The following SCN8A variants were observed in gnomAD, a reference collection of about 807,000 sequenced individuals.
SCN8A encodes sodium channel protein type 8 subunit alpha.
In SCN8A, 30 loss-of-function variants were observed where a neutral mutation model predicts 184.1. The ratio of observed to expected loss-of-function variants is 0.16; its 90% CI spans 0.12 to 0.22. SCN8A has a LOEUF of 0.22. SCN8A is among the 10% of genes least tolerant of loss of function. The probability of loss-of-function intolerance (pLI) is 1.00; values close to 1 mark genes in which losing one functional copy is unlikely to be tolerated. For missense variants in SCN8A, 1,057 were observed against 2,498.9 expected (o/e 0.42, Z 12.30); for synonymous variants, 852 against 907.0 (o/e 0.94, Z 1.09).
chr12:51,769,664 T>G (rs1428740009), intron 17 of SCN8A, among the ~76,000 whole-genome samples: 5 of 152,138 alleles, frequency 3.3e-5, no homozygotes, highest in Admixed American at 6.5e-5. Flanking sequence ...GTCATTGCCG[T>G]CCGTGAGTAG....
chr12:51,644,893 G>T, intron 1 of SCN8A, among the ~76,000 whole-genome samples: 1 of 151,354 alleles, frequency 6.6e-6, no homozygotes, highest in African/African-American at 2.4e-5. Context: ...CAACCGCCCC[G>T]TCTGAGAAGT....
intron 1 of SCN8A, among the ~76,000 whole-genome samples, chr12:51,648,750 G>A (rs1380166635): frequency 6.6e-6 from 1 of 152,178 alleles, no homozygotes; most frequent in African/African-American, 2.4e-5. Flanking sequence ...TGGGAATCAT[G>A]GGAGTACAAT....
chr12:51,687,742 T>C (rs757299171), intron 5 of SCN8A, among the ~76,000 whole-genome samples: 6 of 152,204 alleles, frequency 3.9e-5, no homozygotes, highest in Non-Finnish European at 7.3e-5. Context: ...TTTCGAACTA[T>C]TGCTCAAGAT....
intron 1 of SCN8A, among the ~76,000 whole-genome samples, chr12:51,624,861 A>T (rs1592336405): frequency 6.6e-6 from 1 of 152,184 alleles, no homozygotes; most frequent in Non-Finnish European, 1.5e-5. Flanking sequence ...ACCGTTTATT[A>T]AATAGGGAAT....
chr12:51,623,771 C>A (rs532319481), intron 1 of SCN8A, among the ~76,000 whole-genome samples: 2 of 152,158 alleles, frequency 1.3e-5, no homozygotes, highest in Admixed American at 6.5e-5. Flanking sequence ...CTCCTCCCCC[C>A]ACCCCACAAC....
intron 19 of SCN8A, among the ~76,000 whole-genome samples, chr12:51,771,153 T>C (rs1278183172): frequency 6.6e-6 from 1 of 152,214 alleles, no homozygotes; most frequent in African/African-American, 2.4e-5. Flanking sequence ...TGCTTATTAA[T>C]CAGTGAAACA....
At chr12:51,636,580 G>A (rs971934685) in intron 1 of SCN8A, among the ~76,000 whole-genome samples, 1 of 152,166 alleles carries the variant, frequency 6.6e-6, no homozygotes, top group Admixed American at 6.5e-5. Flanking sequence ...CATGAGCTCT[G>A]GTTTCCTTGG....
intron 2 of SCN8A, among the ~76,000 whole-genome samples, chr12:51,677,275 A>G (rs1171818998): frequency 2.0e-5 from 3 of 151,612 alleles, no homozygotes; most frequent in East Asian, 1.9e-4. Flanking sequence ...TTTTGTAGAG[A>G]TGGAGTTTTG....
intron 8 of SCN8A, among the ~76,000 whole-genome samples, 184 bp downstream of exon 8, chr12:51,701,391 C>T (rs1941685003): frequency 6.6e-6 from 1 of 152,186 alleles, no homozygotes; most frequent in Non-Finnish European, 1.5e-5. Flanking sequence ...GTTGACATTT[C>T]ACTAGTAAGT....
At chr12:51,688,702 T>C in intron 5 of SCN8A, 1 of 1,290,484 alleles carries the variant, frequency 7.7e-7, no homozygotes, top group Non-Finnish European at 1.1e-6. Flanking sequence ...TTCCCCCCAT[T>C]CTCAAACCCT....
At chr12:51,774,959 T>C (rs1478878228) in intron 20 of SCN8A, among the ~76,000 whole-genome samples, 2 of 152,202 alleles carry the variant, frequency 1.3e-5, no homozygotes, top group Middle Eastern at 3.2e-3. Context: ...CCTTTTTTCC[T>C]CCAGGTTCCA....
intron 5 of SCN8A, 143 bp downstream of exon 5, chr12:51,687,362 A>T (rs1262132754): frequency 1.1e-6 from 1 of 897,820 alleles, no homozygotes; most frequent in African/African-American, 1.7e-5. Context: ...CTGTGGGCTT[A>T]TGTCTATGAT....
chr12:51,625,223 A>T (rs2138604597), intron 1 of SCN8A, among the ~76,000 whole-genome samples: 1 of 152,324 alleles, frequency 6.6e-6, no homozygotes, highest in Admixed American at 6.5e-5. Context: ...ATAACTAGTA[A>T]TCTGTTTTTC....
chr12:51,777,333 C>T (rs1444707169), intron 20 of SCN8A, among the ~76,000 whole-genome samples: 2 of 151,964 alleles, frequency 1.3e-5, no homozygotes, highest in African/African-American at 4.8e-5. Flanking sequence ...AATCATGGCT[C>T]ACTGCAGCCT....
At chr12:51,741,280 C>A (rs559695637) in intron 12 of SCN8A, among the ~76,000 whole-genome samples, 2 of 152,172 alleles carry the variant, frequency 1.3e-5, no homozygotes, top group Non-Finnish European at 2.9e-5. Context: ...ATAGCTACTA[C>A]TTCTGCTCTT....
rs73295783 is a variant in SCN8A, at chr12:51,632,357, A to G, written c.-54-30407A>G. On this transcript the variant is annotated intron_variant, in intron 1 of 26. Transcript: ENST00000627620. ...TAAGTAGTCTTAGATATGTAGTCTCAGGTTACTGAAATCAGCTTGACTCAG... is the reference window on the plus strand; with the variant it reads ...TAAGTAGTCTTAGATATGTAGTCTCGGGTTACTGAAATCAGCTTGACTCAG... Among the ~76,000 whole-genome samples, 1,051 of 152,318 alleles carry G rather than the reference A, an allele frequency of 6.9e-3. 12 individuals carry two copies. The highest frequency in any genetic ancestry group is 0.024 in the African/African-American group (980 of 41,570).
At chr12:51,797,669 C>T (rs895327850) in intron 26 of SCN8A, among the ~76,000 whole-genome samples, 2 of 152,164 alleles carry the variant, frequency 1.3e-5, no homozygotes, top group African/African-American at 4.8e-5. Context: ...CTAAGAGACG[C>T]CCTAAGGGAT....
At chr12:51,668,685 G>A (rs977377967) in intron 2 of SCN8A, among the ~76,000 whole-genome samples, 1 of 152,174 alleles carries the variant, frequency 6.6e-6, no homozygotes, top group East Asian at 1.9e-4. Context: ...AAGGAGCTCT[G>A]AGGTGTGCTA....
intron 6 of SCN8A, among the ~76,000 whole-genome samples, chr12:51,691,007 C>A (rs1412251691): frequency 6.6e-6 from 1 of 152,198 alleles, no homozygotes; most frequent in East Asian, 1.9e-4. Flanking sequence ...AAGCTCAGCT[C>A]ATTCTCCAGA....
Sources: allele counts gnomAD v4.1 joint callset (sites outside exome capture counted in the v4.1 genomes callset), GRCh38; gene constraint gnomAD v4.1.1; transcripts MANE v1.5; gene names NCBI Gene and HGNC (gene_info 2026-07-23, HGNC 2026-07-21).